CREBBP: variants seen among roughly 807,000 people sequenced by gnomAD.
CREBBP encodes CREB-binding protein.
In CREBBP, 19 loss-of-function variants were observed where a neutral mutation model predicts 265.0. That is an observed-to-expected ratio of 0.07 (90% CI 0.05 to 0.11). The LOEUF (loss-of-function observed/expected upper bound fraction) is 0.11, where lower values mean the gene tolerates loss of function less well. Among genes scored for constraint, CREBBP ranks in the 10% least tolerant of loss-of-function variants. The pLI, the probability that CREBBP is intolerant of heterozygous loss-of-function variation, is 1.00. For missense variants in CREBBP, 2,525 were observed against 3,219.0 expected (o/e 0.78, Z 5.22); for synonymous variants, 1,457 against 1,223.7 (o/e 1.19, Z -3.98).
intron 3 of CREBBP, among the ~76,000 whole-genome samples, chr16:3,800,536 T>G (rs1164313943): frequency 6.6e-6 from 1 of 152,092 alleles, no homozygotes; most frequent in Non-Finnish European, 1.5e-5. Context: ...ATATGTGCCT[T>G]TACAATGAGA....
At chr16:3,858,174 T>C (rs1174359761) in intron 1 of CREBBP, among the ~76,000 whole-genome samples, 3 of 152,148 alleles carry the variant, frequency 2.0e-5, no homozygotes, top group Non-Finnish European at 2.9e-5. Context: ...CATTTCACCT[T>C]AAGCAAGGAA....
chr16:3,743,444 G>C (rs1389145180), intron 23 of CREBBP: 1 of 152,314 alleles, frequency 6.6e-6, no homozygotes, highest in Non-Finnish European at 1.5e-5. Flanking sequence ...CAAGTCTACA[G>C]GGTGGCTTCC....
Position 3,773,913 on chromosome 16 carries a change from G to C in CREBBP, c.2301C>G (p.Ser767=). Residue 767 remains serine (S), a synonymous_variant, in exon 13 of 31, where the codon TCC becomes TCG. Transcript: ENST00000262367. ...GSVPGMAISP[S]RMPQPPNMMG... is the part of the protein sequence containing the mutation. ...TCATGTTCGGAGGCTGAGGCATTCG[G>C]GAAGGAGAAATGGCCATCTACGAGA... 1 of 1,612,240 alleles carries C rather than the reference G, an allele frequency of 6.2e-7. No individual in the cohort carries two copies. Among genetic ancestry groups the C allele is most frequent in the Non-Finnish European group, 8.5e-7 (1 of 1,180,028 alleles).
chr16:3,729,913 G>C (rs2051865847), intron 30 of CREBBP, 39 bp from the exon 31 acceptor site: 1 of 1,595,828 alleles, frequency 6.3e-7, no homozygotes, highest in Non-Finnish European at 8.5e-7. Flanking sequence ...TGTCAGCATG[G>C]GACCCAGTAC....
In CREBBP at chr16:3,731,465, G is replaced by C. The variant is rs750086197; in HGVS notation, c.4899C>G (p.Phe1633Leu). Residue 1633 changes from phenylalanine (F) to leucine (L), a missense_variant, in exon 30 of 31, where the codon TTC becomes TTG. Physicochemically the swap from Phe to Leu is conservative, Grantham distance 22. Around this residue, in one of 19 missense-constraint regions of CREBBP, gnomAD observed 93 missense variants for 161.5 expected, o/e 0.58. Coordinates refer to ENST00000262367, the MANE Select transcript of CREBBP (RefSeq NM_004380.3). This position sits in a 1 kb window ranked among gnomAD's most constrained non-coding sequence, Gnocchi z 7.7. ...CAGGCCCAGCGTGCAGGTGGATCAC[G>C]AAGAAGACCTGCAGGAGAGGAGGGG... ...ATMEKHKEVF[F>L]VIHLHAGPVI... is the part of the protein sequence containing the mutation. The C allele has an allele frequency of 6.3e-7, 1 of 1,587,332 alleles. No individual in the cohort carries two copies. Among genetic ancestry groups the C allele is most frequent in the Non-Finnish European group, 8.6e-7 (1 of 1,168,394 alleles).
intron 1 of CREBBP, 129 bp downstream of exon 1, chr16:3,879,703 A>T: frequency 1.4e-5 from 14 of 996,864 alleles, no homozygotes; most frequent in Non-Finnish European, 2.0e-5. Flanking sequence ...GGGCGAGGGG[A>T]ACGGGCTGCG....
At chr16:3,812,325 C>G (rs138580704) in intron 2 of CREBBP, among the ~76,000 whole-genome samples, 4 of 151,844 alleles carry the variant, frequency 2.6e-5, no homozygotes, top group Non-Finnish European at 4.4e-5. Context: ...ATTATGGGCT[C>G]GTGCCATCAC....
At chr16:3,797,534 TTAAC>T (rs1463335269) in intron 3 of CREBBP, among the ~76,000 whole-genome samples, 3 of 152,092 alleles carry the variant, frequency 2.0e-5, no homozygotes, top group African/African-American at 4.8e-5. Flanking sequence ...GAGATTAACA[TTAAC>T]TAATAATGAA....
chr16:3,756,914 A>G (rs562778672), intron 19 of CREBBP, among the ~76,000 whole-genome samples: 1 of 152,332 alleles, frequency 6.6e-6, no homozygotes, highest in African/African-American at 2.4e-5. Context: ...TAATCCAAGT[A>G]GTACGGCAAG....
intron 16 of CREBBP, among the ~76,000 whole-genome samples, chr16:3,764,657 T>A (rs1367278842): frequency 6.6e-6 from 1 of 152,068 alleles, no homozygotes; most frequent in Non-Finnish European, 1.5e-5. Flanking sequence ...CATCACAGCT[T>A]GCTGCAGCCT....
At chr16:3,824,117 A>G (rs1274984178) in intron 2 of CREBBP, among the ~76,000 whole-genome samples, 1 of 152,228 alleles carries the variant, frequency 6.6e-6, no homozygotes, top group Non-Finnish European at 1.5e-5. Context: ...GAAATCAGAC[A>G]TGTGCGGTTA....
chr16:3,771,321 G>A (rs1365069676), intron 13 of CREBBP, among the ~76,000 whole-genome samples: 3 of 151,864 alleles, frequency 2.0e-5, no homozygotes, highest in African/African-American at 2.4e-5. Flanking sequence ...CTCCCGCCTC[G>A]GCCTTCCAAA....
At position 3,769,232 on chromosome 16, in the gene CREBBP, G is replaced by T. The variant is rs776360894; in HGVS notation, c.3002C>A (p.Thr1001Asn). The change falls in exon 15 of 31, where the codon ACC (threonine) becomes AAC (asparagine). Residue 1001 changes from threonine to asparagine, a missense_variant. Coordinates refer to ENST00000262367, the MANE Select transcript of CREBBP (RefSeq NM_004380.3). ...ATCGGGCTCAGTGTCCTCTGCTTGG[G>T]TCTCCGTCTTCATTTCCAGCACAGG... ...DVPVLEMKTE[T>N]QAEDTEPDPG... 6.2e-7 allele frequency: 1 copy of T among 1,614,126 alleles called. No individual in the cohort carries two copies. Among genetic ancestry groups the T allele is most frequent in the Non-Finnish European group, 8.5e-7 (1 of 1,180,012 alleles).
intron 2 of CREBBP, among the ~76,000 whole-genome samples, chr16:3,848,632 TA>T (rs2054719026): frequency 1.3e-5 from 2 of 152,004 alleles, no homozygotes; most frequent in Non-Finnish European, 1.5e-5. Flanking sequence ...GTCTTGAGAT[TA>T]AAAAAAAGTT....
intron 1 of CREBBP, among the ~76,000 whole-genome samples, chr16:3,851,896 G>A (rs1404772720): frequency 1.4e-5 from 2 of 146,370 alleles, no homozygotes; most frequent in African/African-American, 2.5e-5. Flanking sequence ...ACATTAGCCG[G>A]GCATGGTGGC....
At chr16:3,875,590 G>T (rs543003826) in intron 1 of CREBBP, among the ~76,000 whole-genome samples, 2 of 152,322 alleles carry the variant, frequency 1.3e-5, no homozygotes, top group Admixed American at 6.5e-5. Context: ...ATTCATGTGC[G>T]GGAAGGCCGC....
At chr16:3,765,739 C>A (rs1046626829) in intron 16 of CREBBP, among the ~76,000 whole-genome samples, 3 of 152,134 alleles carry the variant, frequency 2.0e-5, no homozygotes, top group Non-Finnish European at 2.9e-5. Flanking sequence ...CTTTGACCTC[C>A]CAGGCTCAGG....
Position 3,728,887 on chromosome 16 carries a change from G to A in CREBBP, c.6160C>T (p.Pro2054Ser), listed in dbSNP as rs2051828003. 2 of 1,610,468 alleles carry A rather than the reference G, an allele frequency of 1.2e-6. No individual in the cohort carries two copies. Among genetic ancestry groups the A allele is most frequent in the Non-Finnish European group, 1.7e-6 (2 of 1,179,666 alleles). The change falls in exon 31 of 31, where the codon CCC (proline) becomes TCC (serine). Residue 2054 changes from proline (P) to serine (S), a missense_variant. By Grantham distance (74) the Pro-to-Ser change is moderately conservative. This residue lies in a region of CREBBP where 275 missense variants were observed against 276.5 expected (regional missense o/e 0.99). Coordinates refer to ENST00000262367, the MANE Select transcript of CREBBP (RefSeq NM_004380.3). The surrounding 1 kb of genome is among the most constrained non-coding windows in gnomAD (Gnocchi z 8.7). The stretch of plus-strand genomic sequence containing the variant: ...ATGCTCCTGGGTGGCTGCACGCTGG[G>A]CATCCGGGGCCCAGCCACGGCCGCC... ...AQAAVAGPRM[P>S]SVQPPRSISP...
intron 3 of CREBBP, among the ~76,000 whole-genome samples, chr16:3,801,777 C>A (rs1313181984): frequency 6.6e-6 from 1 of 152,192 alleles, no homozygotes. Context: ...TGGTATCTGT[C>A]AGAAGCCTTA....
Sources: allele counts gnomAD v4.1 joint callset (sites outside exome capture counted in the v4.1 genomes callset), GRCh38; gene constraint gnomAD v4.1.1; regional missense constraint gnomAD v4.1.1; non-coding constraint Gnocchi (gnomAD v3.1); transcripts MANE v1.5; gene names NCBI Gene and HGNC (gene_info 2026-07-23, HGNC 2026-07-21).